EXOC1: variants seen among roughly 807,000 people sequenced by gnomAD.
EXOC1 encodes the protein SEC3-like 1.
Under a neutral mutation model 107.7 loss-of-function variants are expected in EXOC1, and 67 were observed. The ratio of observed to expected loss-of-function variants is 0.62; its 90% CI spans 0.51 to 0.76. EXOC1 has a LOEUF of 0.76. Ranked by LOEUF, EXOC1 falls within the 30% of genes least tolerant of loss-of-function variation. EXOC1 has a pLI of 0.00. For missense variants in EXOC1, 833 were observed against 1,055.7 expected (o/e 0.79, Z 2.92); for synonymous variants, 348 against 353.5 (o/e 0.98, Z 0.17).
intron 10 of EXOC1, among the ~76,000 whole-genome samples, chr4:55,888,108 C>G (rs1724102320): frequency 6.6e-6 from 1 of 152,164 alleles, no homozygotes; most frequent in African/African-American, 2.4e-5. Flanking sequence ...CCTTTCACAT[C>G]AACTTCTAAT....
chr4:55,888,734 A>T, intron 10 of EXOC1, 154 bp from the exon 11 acceptor site: 2 of 673,438 alleles, frequency 3.0e-6, no homozygotes, highest in Non-Finnish European at 5.2e-6. Context: ...TGACCAACTA[A>T]ACATGTGTTT....
chr4:55,894,354 C>T (rs1194358778), intron 15 of EXOC1, among the ~76,000 whole-genome samples: 1 of 150,702 alleles, frequency 6.6e-6, no homozygotes, highest in Non-Finnish European at 1.5e-5. Context: ...TCTACCGAAT[C>T]ACTGACATCT....
intron 9 of EXOC1, chr4:55,883,279 A>G (rs545600280): frequency 1.8e-4 from 28 of 152,314 alleles, no homozygotes; most frequent in African/African-American, 6.5e-4. Context: ...ACATGACAAT[A>G]TAGAGGAAGA....
intron 9 of EXOC1, chr4:55,883,233 A>G (rs1178174860): frequency 6.6e-6 from 1 of 152,194 alleles, no homozygotes; most frequent in Non-Finnish European, 1.5e-5. Context: ...CTTAAGTGCC[A>G]TTGACACTAT....
chr4:55,903,666 A>ATAG (rs1281298743), intron 18 of EXOC1, among the ~76,000 whole-genome samples: 1 of 152,168 alleles, frequency 6.6e-6, no homozygotes, highest in African/African-American at 2.4e-5. Context: ...ATACTATAAT[A>ATAG]TATTCATAAA....
rs145820860 is a variant in EXOC1, at chr4:55,894,648, G to A, written c.1953+868G>A. Among the ~76,000 whole-genome samples the A allele has an allele frequency of 9.8e-3, 1,148 of 116,810 alleles. 12 individuals carry two copies. Among genetic ancestry groups the A allele is most frequent in the African/African-American group, 0.035 (1,077 of 30,550 alleles). The allele number at this position is 116,810 out of a possible 152,430, so 76.6% of individuals were successfully genotyped here. ...TTTTTTTTTTTTTTTTTGAGATGGA[G>A]TCTCGTTCTTGTTGCCCAGGCTGGA... On this transcript the variant is annotated intron_variant, in intron 15 of 18. Transcript: ENST00000381295.
chr4:55,872,433 T>G (rs1722530939), intron 8 of EXOC1, among the ~76,000 whole-genome samples: 1 of 152,116 alleles, frequency 6.6e-6, no homozygotes, highest in Non-Finnish European at 1.5e-5. Flanking sequence ...AATCTTCATA[T>G]AAATGCTTTA....
intron 11 of EXOC1, 101 bp from the exon 12 acceptor site, chr4:55,890,122 G>C: frequency 8.7e-7 from 1 of 1,155,542 alleles, no homozygotes; most frequent in Non-Finnish European, 1.3e-6. Context: ...TATGAGCCCT[G>C]GAAGATCAAG....
At position 55,886,334 on chromosome 4, in the gene EXOC1, CTT is replaced by C. The variant is rs1382169122; in HGVS notation, c.1330+2407_1330+2408del. On this transcript the variant is annotated intron_variant, in intron 10 of 18. Transcript: ENST00000381295. The stretch of plus-strand genomic sequence containing the variant: ...TTGGGAGGCTGAGCCGGGAGGATGA[CTT>C]GAGCCCTGGAGGTCGAGACAAGCCT... Among the ~76,000 whole-genome samples the C allele has an allele frequency of 2.0e-5, 3 of 151,948 alleles. No individual in the cohort carries two copies. The East Asian group carries it at 5.8e-4, about 29-fold the overall frequency.
intron 13 of EXOC1, among the ~76,000 whole-genome samples, chr4:55,892,214 A>AT (rs1334301065): frequency 1.3e-5 from 2 of 151,998 alleles, no homozygotes; most frequent in Admixed American, 1.3e-4. Flanking sequence ...TTTTTATAGC[A>AT]TTTTTTTAAT....
intron 1 of EXOC1, among the ~76,000 whole-genome samples, chr4:55,855,029 T>C (rs1720831351): frequency 6.6e-6 from 1 of 152,162 alleles, no homozygotes; most frequent in African/African-American, 2.4e-5. Flanking sequence ...GAAGTGTAAT[T>C]AGGGTTTGGA....
rs552517972 is a variant in EXOC1, at chr4:55,882,951, A to G, written c.1225-872A>G. ...TTCTGTTTGTGGCATTTAACTTCAT[A>G]CTTGGAAAAATATACAGTCTCCCAC... is the stretch of plus-strand genomic sequence containing the variant. On this transcript the variant is annotated intron_variant, in intron 9 of 18. Transcript: ENST00000381295. 4 of 152,242 alleles carry G rather than the reference A, an allele frequency of 2.6e-5. No homozygotes were observed. In the East Asian group the frequency reaches 5.8e-4, roughly 22 times the overall value. The allele number at this position is 152,242 out of a possible 1,614,324, so 9.4% of individuals were successfully genotyped here.
intron 10 of EXOC1, among the ~76,000 whole-genome samples, 172 bp downstream of exon 10, chr4:55,884,100 T>C (rs1365461882): frequency 6.6e-6 from 1 of 152,226 alleles, no homozygotes; most frequent in Non-Finnish European, 1.5e-5. Flanking sequence ...AATATGTATA[T>C]CTGTAAATTT....
At position 55,893,914 on chromosome 4, in the gene EXOC1, G is replaced by A. The variant is rs1242561657; in HGVS notation, c.1953+134G>A. ...TTTATGTCCCTCGAAGCAGGGCATG[G>A]CAACAATCTACATGAACAGAGTTAG... On this transcript the variant is annotated intron_variant, in intron 15 of 18. Transcript: ENST00000381295. The A allele has an allele frequency of 1.3e-5, 9 of 705,332 alleles. No individual in the cohort carries two copies. The South Asian group carries it at 1.5e-4, about 12-fold the overall frequency. 43.7% of individuals were successfully genotyped at this position (705,332 alleles called of 1,614,324 possible). A position where few individuals can be genotyped will look rare whatever the true frequency, so the allele number is the denominator to read the frequency against.
chr4:55,883,250 T>C (rs937458848), intron 9 of EXOC1: 3 of 152,190 alleles, frequency 2.0e-5, no homozygotes, highest in African/African-American at 7.2e-5. Flanking sequence ...CTATTTATTA[T>C]TGGTCTGTTT....
In EXOC1 at chr4:55,860,643, A is replaced by T. The variant is rs1721389819; in HGVS notation, c.255+102A>T. The T allele has an allele frequency of 2.9e-6, 4 of 1,368,312 alleles. No homozygotes were observed. The African/African-American group carries it at 5.9e-5, about 20-fold the overall frequency. The allele number at this position is 1,368,312 out of a possible 1,614,324, so 84.8% of individuals were successfully genotyped here. On this transcript the variant is annotated intron_variant, in intron 3 of 18. Transcript: ENST00000381295. The stretch of plus-strand genomic sequence containing the variant: ...ATGATCTAAAAACAAATTAATATAT[A>T]TGTTTGTTTTCTTATTTTTTTGCTT...
In EXOC1 at chr4:55,888,927, C is replaced by CA; in HGVS notation, c.1371dup (p.Glu458ArgfsTer16). The CA allele has an allele frequency of 6.2e-7, 1 of 1,613,502 alleles. No homozygotes were observed. Reference sequence around the variant, plus strand: ...AAAGAAAGTGCTGTCAAACAGGAAACAGAGAGTGAGTATGCTTAGTGTATT... The same window carrying CA: ...AAAGAAAGTGCTGTCAAACAGGAAACAAGAGAGTGAGTATGCTTAGTGTATT... On this transcript the variant is annotated frameshift_variant, in exon 11 of 19. Coordinates refer to ENST00000381295, the MANE Select transcript of EXOC1 (RefSeq NM_001024924.2). LOFTEE classifies it high-confidence loss of function.
intron 2 of EXOC1, among the ~76,000 whole-genome samples, chr4:55,859,811 TC>T (rs1332801052): frequency 6.6e-6 from 1 of 152,264 alleles, no homozygotes; most frequent in Non-Finnish European, 1.5e-5. Flanking sequence ...AAAATTTTCT[TC>T]CTTGTTAGTG....
In EXOC1 at chr4:55,892,704, T is replaced by C. The variant is rs752491841; in HGVS notation, c.1717T>C (p.Ser573Pro). Residue 573 changes from serine to proline, a missense_variant, in exon 14 of 19, where the codon TCA becomes CCA. Around this residue, in one of 2 missense-constraint regions of EXOC1, gnomAD observed 617 missense variants for 701.3 expected, o/e 0.88. Transcript: ENST00000381295. ...QHNCGTPLPV[S>P]SEKDMIRQMM... ...TAATTGTGGCACACCACTGCCTGTTTCATCTGAGTATGTCTTTGTTACTAT... is the reference window on the plus strand; with the variant it reads ...TAATTGTGGCACACCACTGCCTGTTCCATCTGAGTATGTCTTTGTTACTAT... 5.1e-5 allele frequency: 82 copies of C among 1,613,902 alleles called. 1 individual carries two copies. The highest frequency in any genetic ancestry group is 6.9e-5 in the Non-Finnish European group (82 of 1,179,894).
Sources: allele counts gnomAD v4.1 joint callset (sites outside exome capture counted in the v4.1 genomes callset), GRCh38; gene constraint gnomAD v4.1.1; regional missense constraint gnomAD v4.1.1; transcripts MANE v1.5; gene names NCBI Gene and HGNC (gene_info 2026-07-23, HGNC 2026-07-21).